Variants in PTPRD observed in about 807,000 individuals in gnomAD.
The protein encoded by PTPRD is receptor-type tyrosine-protein phosphatase delta.
PTPRD carries 34 observed loss-of-function variants against 214.5 expected under a neutral mutation model. The ratio of observed to expected loss-of-function variants is 0.16; its 90% CI spans 0.12 to 0.21. The LOEUF is 0.21. Ranked by LOEUF, PTPRD falls within the 10% of genes least tolerant of loss-of-function variation. The probability of loss-of-function intolerance (pLI) is 1.00; values close to 1 mark genes in which losing one functional copy is unlikely to be tolerated. For missense variants in PTPRD, 2,545 were observed against 2,398.7 expected, an observed-to-expected ratio of 1.06 and a Z score of -1.27; for synonymous variants, 1,128 against 845.7, an observed-to-expected ratio of 1.33 and a Z score of -5.79.
At chr9:9,357,467 T>C (rs547691269) in intron 9 of PTPRD, among the ~76,000 whole-genome samples, 1 of 151,384 alleles carries the variant, frequency 6.6e-6, no homozygotes, top group African/African-American at 2.4e-5. Context: ...TGAGGAAAGC[T>C]TGGTGAGAAC....
intron 12 of PTPRD, among the ~76,000 whole-genome samples, chr9:8,711,731 T>C (rs1402124558): frequency 2.0e-5 from 3 of 152,140 alleles, no homozygotes; most frequent in African/African-American, 7.2e-5. Context: ...TTTTAGAAAG[T>C]CCATAAACCA....
chr9:10,597,004 T>C (rs1261437305), intron 2 of PTPRD, among the ~76,000 whole-genome samples: 1 of 151,466 alleles, frequency 6.6e-6, no homozygotes, highest in Non-Finnish European at 1.5e-5. Context: ...CCTAAAAACA[T>C]GTAACTATCT....
chr9:9,743,310 C>A (rs2098423386), intron 6 of PTPRD, among the ~76,000 whole-genome samples: 1 of 152,118 alleles, frequency 6.6e-6, no homozygotes, highest in Admixed American at 6.6e-5. Flanking sequence ...TGTCAAGAGT[C>A]TGTGTTCTGA....
In PTPRD at chr9:10,174,941, T is replaced by C. The variant is rs375517156; in HGVS notation, c.-544-141151A>G. Among the ~76,000 whole-genome samples, 114 of 152,244 alleles carry C rather than the reference T, an allele frequency of 7.5e-4. 2 individuals carry two copies. In the South Asian group the frequency reaches 0.02, roughly 27 times the overall value. On this transcript the variant is annotated intron_variant, in intron 3 of 45. Transcript: ENST00000381196. Reference sequence around the variant, plus strand: ...AATCAGTAAAATTAGTAAAAATGAATGCTTGAAATTACTTGAGAAAATAGC... The same window carrying C: ...AATCAGTAAAATTAGTAAAAATGAACGCTTGAAATTACTTGAGAAAATAGC...
intron 2 of PTPRD, among the ~76,000 whole-genome samples, chr9:10,554,849 A>G (rs1213811297): frequency 1.3e-5 from 2 of 152,042 alleles, no homozygotes; most frequent in Non-Finnish European, 2.9e-5. Flanking sequence ...TTTAGTAGAC[A>G]GGGGGTTTCA....
rs2097391098 is a variant in PTPRD, at chr9:8,500,951, T to A, written c.1931A>T (p.Glu644Val). 1 of 1,614,166 alleles carries A rather than the reference T, an allele frequency of 6.2e-7. No individual in the cohort carries two copies. Reference sequence around the variant, plus strand: ...CACTGCAGTGTACTTGATGGAGTATTCAGTGATAATGCCATTCTGTTTTTC... The same window carrying A: ...CACTGCAGTGTACTTGATGGAGTATACAGTGATAATGCCATTCTGTTTTTC... ...PVEKQNGIITEYSIKYTAVDG... is the reference protein window; with the variant it reads ...PVEKQNGIITVYSIKYTAVDG... Residue 644 changes from glutamate (E) to valine (V), a missense_variant, in exon 24 of 46, where the codon GAA becomes GTA. Glu to Val is a moderately radical substitution (Grantham distance 121). Coordinates refer to ENST00000381196, the MANE Select transcript of PTPRD (RefSeq NM_002839.4).
chr9:9,844,966 G>C (rs1477954683), intron 5 of PTPRD, among the ~76,000 whole-genome samples: 1 of 149,684 alleles, frequency 6.7e-6, no homozygotes, highest in African/African-American at 2.5e-5. Context: ...AAGTCTATAT[G>C]CAAGTTACCA....
chr9:9,747,402 C>A (rs1402557737), intron 6 of PTPRD, among the ~76,000 whole-genome samples: 1 of 152,114 alleles, frequency 6.6e-6, no homozygotes, highest in East Asian at 1.9e-4. Flanking sequence ...TATCTGCTCA[C>A]AATAGAGTGT....
At chr9:10,129,625 C>A (rs1038866767) in intron 3 of PTPRD, among the ~76,000 whole-genome samples, 4 of 151,570 alleles carry the variant, frequency 2.6e-5, no homozygotes, top group African/African-American at 9.7e-5. Context: ...CAGGTCTGAA[C>A]CTCTGGCTCC....
chr9:8,904,344 A>T (rs1026011000), intron 11 of PTPRD, among the ~76,000 whole-genome samples: 1 of 152,164 alleles, frequency 6.6e-6, no homozygotes, highest in Non-Finnish European at 1.5e-5. Context: ...AAAATTGTAT[A>T]GCTGCTTATT....
chr9:8,986,147 G>C (rs1388825243), intron 11 of PTPRD, among the ~76,000 whole-genome samples: 1 of 152,058 alleles, frequency 6.6e-6, no homozygotes, highest in East Asian at 1.9e-4. Flanking sequence ...ACTTAAACTA[G>C]ATTTTATAGC....
At chr9:10,374,918 C>T (rs1054727850) in intron 2 of PTPRD, among the ~76,000 whole-genome samples, 1 of 152,018 alleles carries the variant, frequency 6.6e-6, no homozygotes, top group Admixed American at 6.6e-5. Context: ...TAATTTGGAA[C>T]TGCAGTGAAA....
intron 5 of PTPRD, among the ~76,000 whole-genome samples, chr9:9,864,301 G>C (rs984775746): frequency 1.3e-5 from 2 of 151,058 alleles, no homozygotes; most frequent in Non-Finnish European, 1.5e-5. Context: ...GTGAGACTCA[G>C]TCTTAAGAAA....
intron 12 of PTPRD, among the ~76,000 whole-genome samples, chr9:8,696,608 G>A (rs1487140157): frequency 6.6e-6 from 1 of 152,140 alleles, no homozygotes; most frequent in East Asian, 1.9e-4. Flanking sequence ...AGTTAGGTTA[G>A]ACGGAGAAAG....
intron 7 of PTPRD, among the ~76,000 whole-genome samples, chr9:9,716,701 G>A (rs1243644632): frequency 3.3e-5 from 5 of 152,068 alleles, no homozygotes; most frequent in Non-Finnish European, 7.4e-5. Context: ...TGATGGGGTT[G>A]TTTTTTTCTT....
intron 39 of PTPRD, among the ~76,000 whole-genome samples, chr9:8,349,642 GA>G (rs1313338366): frequency 2.6e-5 from 4 of 152,256 alleles, no homozygotes; most frequent in African/African-American, 9.6e-5. Context: ...GCCAAGCACT[GA>G]GACAGATTTT....
intron 3 of PTPRD, among the ~76,000 whole-genome samples, chr9:10,253,368 C>T (rs959310462): frequency 3.3e-5 from 5 of 152,140 alleles, no homozygotes; most frequent in Non-Finnish European, 7.4e-5. Flanking sequence ...CTTATGGGGC[C>T]AGCTGAAGAA....
At chr9:9,950,890 C>T (rs2093393195) in intron 4 of PTPRD, among the ~76,000 whole-genome samples, 2 of 152,056 alleles carry the variant, frequency 1.3e-5, no homozygotes, top group Non-Finnish European at 2.9e-5. Flanking sequence ...AGTAGCAGCA[C>T]ATAATTTCTG....
intron 12 of PTPRD, among the ~76,000 whole-genome samples, chr9:8,699,349 C>G (rs1296086622): frequency 6.6e-6 from 1 of 152,112 alleles, no homozygotes; most frequent in African/African-American, 2.4e-5. Flanking sequence ...GTCAATACAC[C>G]TCATATCATT....
Sources: allele counts gnomAD v4.1 joint callset (sites outside exome capture counted in the v4.1 genomes callset), GRCh38; gene constraint gnomAD v4.1.1; transcripts MANE v1.5; gene names NCBI Gene and HGNC (gene_info 2026-07-23, HGNC 2026-07-21).